Variants in TEF observed in about 807,000 individuals in gnomAD.
TEF encodes the protein thyrotroph embryonic factor.
In TEF, 3 loss-of-function variants were observed where a neutral mutation model predicts 20.8. The ratio of observed to expected loss-of-function variants is 0.14; its 90% CI spans 0.07 to 0.37. The LOEUF (loss-of-function observed/expected upper bound fraction) is 0.37, where lower values mean the gene tolerates loss of function less well. TEF is among the 10% of genes least tolerant of loss of function. The pLI, the probability that TEF is intolerant of heterozygous loss-of-function variation, is 1.00. For synonymous variants in TEF, 180 were observed against 171.1 expected, an observed-to-expected ratio of 1.05 and a Z score of -0.41; for missense variants, 296 against 397.9, an observed-to-expected ratio of 0.74 and a Z score of 2.18.
chr22:41,376,297 C>T (rs770095502), intron 1 of TEF, among the ~76,000 whole-genome samples: 1 of 152,188 alleles, frequency 6.6e-6, no homozygotes, highest in Non-Finnish European at 1.5e-5. Context: ...AGTGCAGTGG[C>T]GCAATCTCGG....
At chr22:41,394,363 GC>G (rs35112989) in intron 3 of TEF, 47 bp downstream of exon 3, 2 of 1,557,054 alleles carry the variant, frequency 1.3e-6, no homozygotes, top group African/African-American at 2.7e-5. Flanking sequence ...TGGTTCAAGG[GC>G]CTAGGGGATA....
At chr22:41,375,218 T>C (rs1396886368) in intron 1 of TEF, among the ~76,000 whole-genome samples, 3 of 152,132 alleles carry the variant, frequency 2.0e-5, no homozygotes, top group Admixed American at 6.6e-5. Flanking sequence ...ACTAGCACTT[T>C]TGAGAGTACT....
chr22:41,383,488 C>T (rs1006566466), intron 1 of TEF, among the ~76,000 whole-genome samples: 1 of 152,306 alleles, frequency 6.6e-6, no homozygotes, highest in Admixed American at 6.5e-5. Context: ...TCGCAAAGCA[C>T]GCTGACATCA....
intron 1 of TEF, among the ~76,000 whole-genome samples, chr22:41,367,891 G>C (rs2036839619): frequency 6.6e-6 from 1 of 152,146 alleles, no homozygotes; most frequent in Admixed American, 6.5e-5. Context: ...GGGTCCTATT[G>C]AAAGAATCTG....
Sources: gnomAD v4.1 joint callset for allele counts (sites outside exome capture counted in the v4.1 genomes callset) on GRCh38, gnomAD v4.1.1 for gene constraint, MANE v1.5 for transcripts, NCBI Gene and HGNC (gene_info 2026-07-23, HGNC 2026-07-21) for gene names.